Variants in AUTS2 observed in about 807,000 individuals in gnomAD.
The protein encoded by AUTS2 is activator of transcription and developmental regulator AUTS2.
AUTS2 carries 17 observed loss-of-function variants against 112.4 expected under a neutral mutation model. That is an observed-to-expected ratio of 0.15 (90% CI 0.10 to 0.23). The LOEUF (loss-of-function observed/expected upper bound fraction) is 0.23, where lower values mean the gene tolerates loss of function less well. AUTS2 is among the 10% of genes least tolerant of loss of function. AUTS2 has a pLI of 1.00. For missense variants in AUTS2, 1,510 were observed against 1,701.6 expected, an observed-to-expected ratio of 0.89 and a Z score of 1.98; for synonymous variants, 751 against 702.7, an observed-to-expected ratio of 1.07 and a Z score of -1.09.
chr7:70,518,362 A>G (rs896258042), intron 5 of AUTS2, among the ~76,000 whole-genome samples: 2 of 152,086 alleles, frequency 1.3e-5, no homozygotes, highest in African/African-American at 4.8e-5. Flanking sequence ...TCACAGTGGG[A>G]TGAATGAAGA....
At chr7:69,713,720 G>A (rs950808798) in intron 1 of AUTS2, among the ~76,000 whole-genome samples, 1 of 152,030 alleles carries the variant, frequency 6.6e-6, no homozygotes, top group Non-Finnish European at 1.5e-5. Flanking sequence ...CTCGCCCTCC[G>A]AAAGTGCTGG....
intron 4 of AUTS2, among the ~76,000 whole-genome samples, chr7:70,281,275 C>A (rs1004743528): frequency 6.6e-6 from 1 of 152,156 alleles, no homozygotes; most frequent in African/African-American, 2.4e-5. Flanking sequence ...TGAATGGCAG[C>A]CTCATCTATG....
intron 4 of AUTS2, among the ~76,000 whole-genome samples, chr7:70,395,432 C>T (rs908002904): frequency 2.6e-5 from 4 of 152,222 alleles, no homozygotes; most frequent in Non-Finnish European, 5.9e-5. Context: ...ATGCTCTATT[C>T]TTTCCTAATT....
chr7:69,771,207 T>C (rs1424343670), intron 1 of AUTS2, among the ~76,000 whole-genome samples: 6 of 152,244 alleles, frequency 3.9e-5, no homozygotes, highest in African/African-American at 1.4e-4. Flanking sequence ...GATCTTCCTG[T>C]ATGTGAACTC....
chr7:70,613,061 T>TTAGAC (rs1474254665), intron 5 of AUTS2, among the ~76,000 whole-genome samples: 4 of 152,082 alleles, frequency 2.6e-5, no homozygotes, highest in Admixed American at 1.3e-4. Context: ...AAAAAGTGAT[T>TTAGAC]TAGACTGGAG....
At chr7:70,429,814 T>C (rs887113761) in intron 4 of AUTS2, among the ~76,000 whole-genome samples, 5 of 152,222 alleles carry the variant, frequency 3.3e-5, no homozygotes, top group African/African-American at 1.2e-4. Context: ...TGTCGTAACA[T>C]ATTAGAAATT....
At chr7:70,125,698 C>T (rs188905181) in intron 3 of AUTS2, among the ~76,000 whole-genome samples, 27 of 152,288 alleles carry the variant, frequency 1.8e-4, no homozygotes, top group Non-Finnish European at 3.2e-4. Flanking sequence ...TCACCTCCTA[C>T]CCGGCAATCA....
intron 4 of AUTS2, among the ~76,000 whole-genome samples, chr7:70,197,004 T>C (rs993367355): frequency 1.3e-5 from 2 of 152,220 alleles, no homozygotes; most frequent in Non-Finnish European, 2.9e-5. Flanking sequence ...TACTACTGTT[T>C]ATTAATAACT....
intron 1 of AUTS2, among the ~76,000 whole-genome samples, chr7:69,813,208 C>T (rs1291862449): frequency 6.6e-6 from 1 of 152,116 alleles, no homozygotes; most frequent in African/African-American, 2.4e-5. Context: ...CATTATTGTT[C>T]TCTTAGCCTG....
intron 4 of AUTS2, among the ~76,000 whole-genome samples, chr7:70,163,395 G>T (rs1348460414): frequency 1.5e-5 from 2 of 129,648 alleles, no homozygotes; most frequent in African/African-American, 2.8e-5. Context: ...GAGATCTTTA[G>T]ATATCTTTAG....
chr7:70,335,390 A>G (rs1385921160), intron 4 of AUTS2, among the ~76,000 whole-genome samples: 2 of 152,174 alleles, frequency 1.3e-5, no homozygotes, highest in African/African-American at 4.8e-5. Flanking sequence ...TTCAAAAGGC[A>G]GCCCTTTCAT....
chr7:70,294,044 A>G (rs1183138676), intron 4 of AUTS2: 2 of 152,232 alleles, frequency 1.3e-5, no homozygotes, highest in African/African-American at 2.4e-5. Context: ...AGTAGGATAT[A>G]TATATGTGAG....
chr7:70,425,542 T>A (rs1230769857), intron 4 of AUTS2, among the ~76,000 whole-genome samples: 1 of 151,766 alleles, frequency 6.6e-6, no homozygotes, highest in Non-Finnish European at 1.5e-5. Flanking sequence ...GTGGAATGAG[T>A]GGAAGGAGGG....
intron 1 of AUTS2, among the ~76,000 whole-genome samples, chr7:69,797,517 A>G (rs1033635840): frequency 6.6e-6 from 1 of 152,124 alleles, no homozygotes; most frequent in Admixed American, 6.5e-5. Context: ...AGAGTTTTAG[A>G]TATGCAGGAA....
intron 1 of AUTS2, among the ~76,000 whole-genome samples, chr7:69,775,049 G>A (rs1788831486): frequency 6.6e-6 from 1 of 152,142 alleles, no homozygotes; most frequent in African/African-American, 2.4e-5. Flanking sequence ...ATCACCACAT[G>A]GAAATAATTT....
rs1031900690 is a variant in AUTS2, at chr7:70,410,684, G to T, written c.661-25068G>T. Among the ~76,000 whole-genome samples the T allele has an allele frequency of 4.0e-5, 6 of 151,834 alleles. No homozygotes were observed. The East Asian group carries it at 1.2e-3, about 30-fold the overall frequency. On this transcript the variant is annotated intron_variant, in intron 4 of 18. Coordinates refer to ENST00000342771, the MANE Select transcript of AUTS2 (RefSeq NM_015570.4). The stretch of plus-strand genomic sequence containing the variant: ...GATCCGCCCTCCTCAGCCTCCAAAA[G>T]TGCCAGGATTACAAGCGTGAGCCAC...
chr7:70,291,547 C>A (rs1282625105), intron 4 of AUTS2: 3 of 152,150 alleles, frequency 2.0e-5, no homozygotes, highest in African/African-American at 7.2e-5. Flanking sequence ...GTTCTAAATT[C>A]TTAGGAAAAT....
At chr7:70,207,653 T>C (rs911080481) in intron 4 of AUTS2, among the ~76,000 whole-genome samples, 1 of 152,152 alleles carries the variant, frequency 6.6e-6, no homozygotes, top group African/African-American at 2.4e-5. Flanking sequence ...ATAGGAATGT[T>C]TGAGAATTCA....
chr7:70,111,150 A>T (rs1370912375), intron 2 of AUTS2, among the ~76,000 whole-genome samples: 1 of 151,966 alleles, frequency 6.6e-6, no homozygotes, highest in South Asian at 2.1e-4. Context: ...AAGTACTGGG[A>T]TTATAGGCAT....
Sources: gnomAD v4.1 joint callset for allele counts (sites outside exome capture counted in the v4.1 genomes callset) on GRCh38, gnomAD v4.1.1 for gene constraint, MANE v1.5 for transcripts, NCBI Gene and HGNC (gene_info 2026-07-23, HGNC 2026-07-21) for gene names.